The following TRPM3 variants were observed in gnomAD, a reference collection of about 807,000 sequenced individuals.
TRPM3 encodes transient receptor potential cation channel subfamily M member 3.
Under a neutral mutation model 181.2 loss-of-function variants are expected in TRPM3, and 77 were observed. That is an observed-to-expected ratio of 0.42 (90% CI 0.35 to 0.51). The LOEUF is 0.51. Among genes scored for constraint, TRPM3 ranks in the 20% least tolerant of loss-of-function variants. TRPM3 has a pLI of 0.01. For synonymous variants in TRPM3, 745 were observed against 796.4 expected, an observed-to-expected ratio of 0.94 and a Z score of 1.09; for missense variants, 1,759 against 2,196.7, an observed-to-expected ratio of 0.80 and a Z score of 3.98.
chr9:70,809,246 A>T (rs2091371410), intron 6 of TRPM3, among the ~76,000 whole-genome samples: 1 of 152,266 alleles, frequency 6.6e-6, no homozygotes, highest in African/African-American at 2.4e-5. Flanking sequence ...AAAGTAAAAA[A>T]GTTACAGTCA....
chr9:70,690,533 AC>A (rs1438655840), intron 8 of TRPM3, among the ~76,000 whole-genome samples: 1 of 146,584 alleles, frequency 6.8e-6, no homozygotes, highest in African/African-American at 2.5e-5. Flanking sequence ...CAATGAAATA[AC>A]TTTTTATTTA....
At chr9:70,618,122 TC>T (rs2063070610) in intron 17 of TRPM3, among the ~76,000 whole-genome samples, 1 of 152,210 alleles carries the variant, frequency 6.6e-6, no homozygotes, top group Admixed American at 6.5e-5. Context: ...TTTCACATTT[TC>T]CTTGAAAAAC....
intron 1 of TRPM3, among the ~76,000 whole-genome samples, chr9:71,425,699 C>T (rs2093850964): frequency 6.6e-6 from 1 of 152,108 alleles, no homozygotes; most frequent in Admixed American, 6.6e-5. Context: ...TATTCATCAG[C>T]TCACATCATT....
chr9:71,222,800 C>T (rs970603828), intron 1 of TRPM3, among the ~76,000 whole-genome samples: 3 of 152,118 alleles, frequency 2.0e-5, no homozygotes, highest in African/African-American at 7.2e-5. Context: ...GAACTCGGTG[C>T]TACCAACACC....
At position 71,282,396 on chromosome 9, in the gene TRPM3, GAAAGGAAAAGAAAGAA is replaced by G. The variant is rs1253837404; in HGVS notation, c.183+164241_183+164256del. On this transcript the variant is annotated intron_variant, in intron 1 of 24. Coordinates refer to the TRPM3 transcript ENST00000357533. Reference sequence around the variant, plus strand: ...GAAAGAAAGAAAGAAAGGAAAGAAAGAAAGGAAAAGAAAGAAAAAGAAAAAGAAAGAAAAAAAGAAA... The same window carrying G: ...GAAAGAAAGAAAGAAAGGAAAGAAAGAAAGAAAAAGAAAGAAAAAAAGAAA... Among the ~76,000 whole-genome samples, 4 of 120,702 alleles carry G rather than the reference GAAAGGAAAAGAAAGAA, an allele frequency of 3.3e-5. No individual in the cohort carries two copies. The South Asian group carries it at 7.0e-4, about 21-fold the overall frequency. The allele number at this position is 120,702 out of a possible 152,430, so 79.2% of individuals were successfully genotyped here. A position where few individuals can be genotyped will look rare whatever the true frequency, so the allele number is the denominator to read the frequency against.
In TRPM3 at chr9:70,536,371, G is replaced by T. The variant is rs751549801; in HGVS notation, c.4742C>A (p.Pro1581His). The T allele has an allele frequency of 6.2e-7, 1 of 1,614,094 alleles. No homozygotes were observed. Among genetic ancestry groups the T allele is most frequent in the East Asian group, 2.2e-5 (1 of 44,856 alleles). The stretch of plus-strand genomic sequence containing the variant: ...CTCCACTTTGTCTCCAAGACCTCCA[G>T]GGAAGGCAGCTCTGTCCGCAATTGC... Reference protein sequence around the residue: ...PQAIADRAAFPGGLGDKVEDL... With the variant: ...PQAIADRAAFHGGLGDKVEDL... The change falls in exon 26 of 26, where the codon CCT becomes CAT. Residue 1581 changes from proline to histidine, a missense_variant. By Grantham distance (77) the Pro-to-His change is moderately conservative. Coordinates refer to ENST00000677713, the MANE Select transcript of TRPM3 (RefSeq NM_001366145.2).
chr9:71,331,126 A>C (rs2090077546), intron 1 of TRPM3, among the ~76,000 whole-genome samples: 1 of 151,930 alleles, frequency 6.6e-6, no homozygotes, highest in Non-Finnish European at 1.5e-5. Context: ...TAAATTATTG[A>C]TTACTTAGAA....
chr9:71,169,725 T>C lies in TRPM3; in HGVS notation c.183+276928A>G, dbSNP rs576891144. Among the ~76,000 whole-genome samples, 7 of 152,042 alleles carry C rather than the reference T, an allele frequency of 4.6e-5. No individual in the cohort carries two copies. The South Asian group carries it at 8.3e-4, about 18-fold the overall frequency. On this transcript the variant is annotated intron_variant, in intron 1 of 24. Transcript: ENST00000357533. ...ATCCCAGCACTTTGGGAGGCTGAGG[T>C]GGGCGGATCACCTGAGGTAAGGAGT...
chr9:70,804,703 CCCTT>C (rs763871065), intron 6 of TRPM3, among the ~76,000 whole-genome samples: 7,133 of 117,286 alleles, frequency 0.061, 578 homozygotes, highest in African/African-American at 0.26. Context: ...CCCTCCCCTT[CCCTT>C]CCCTTCTCTT....
At chr9:70,989,894 T>C (rs989305317) in intron 1 of TRPM3, among the ~76,000 whole-genome samples, 2 of 152,178 alleles carry the variant, frequency 1.3e-5, no homozygotes, top group African/African-American at 4.8e-5. Flanking sequence ...TTCTCCCATG[T>C]AAACAGTGAG....
intron 6 of TRPM3, chr9:70,826,169 A>T (rs754387059): frequency 1.3e-5 from 2 of 152,252 alleles, no homozygotes; most frequent in Non-Finnish European, 2.9e-5. Context: ...TGGTGTACAG[A>T]AAGTCATGCT....
At chr9:70,685,323 G>T (rs1854272) in intron 8 of TRPM3, among the ~76,000 whole-genome samples, 99,672 of 151,896 alleles carry the variant, frequency 0.66, 33,114 homozygotes, top group African/African-American at 0.76. Context: ...ATATGGCAAT[G>T]TTTTCATTCC....
chr9:70,842,861 A>G (rs2094769321), intron 5 of TRPM3, 142 bp downstream of exon 5: 2 of 742,058 alleles, frequency 2.7e-6, no homozygotes, highest in Non-Finnish European at 4.1e-6. Context: ...TTCCCAAGAT[A>G]CCATTCCTTA....
intron 1 of TRPM3, among the ~76,000 whole-genome samples, chr9:70,991,727 C>T (rs1295813842): frequency 2.0e-5 from 3 of 152,130 alleles, no homozygotes; most frequent in Non-Finnish European, 1.5e-5. Flanking sequence ...CAAGTCCACA[C>T]CAATTAGCAT....
intron 1 of TRPM3, among the ~76,000 whole-genome samples, chr9:70,962,233 T>C (rs752962186): frequency 6.6e-6 from 1 of 152,134 alleles, no homozygotes; most frequent in Admixed American, 6.6e-5. Context: ...AGTAAGGTTA[T>C]AGGGGAGAGT....
intron 1 of TRPM3, among the ~76,000 whole-genome samples, chr9:70,883,459 A>G (rs1174087148): frequency 2.0e-5 from 3 of 152,218 alleles, no homozygotes; most frequent in Admixed American, 2.0e-4. Context: ...TGAGTACTCT[A>G]TAGTGCTTGT....
intron 8 of TRPM3, among the ~76,000 whole-genome samples, chr9:70,701,098 A>C (rs2072392348): frequency 6.6e-6 from 1 of 152,238 alleles, no homozygotes; most frequent in Non-Finnish European, 1.5e-5. Context: ...GTGCTCTATA[A>C]ATTTTCTAGT....
chr9:71,200,954 G>C (rs2078746906), intron 1 of TRPM3, among the ~76,000 whole-genome samples: 3 of 151,562 alleles, frequency 2.0e-5, no homozygotes, highest in Admixed American at 2.0e-4. Context: ...AGTTGATGCA[G>C]TTTCTTCCTA....
chr9:71,070,920 G>T (rs776075336), intron 1 of TRPM3, among the ~76,000 whole-genome samples: 3 of 152,132 alleles, frequency 2.0e-5, no homozygotes, highest in Non-Finnish European at 2.9e-5. Context: ...TGCTTTAAAA[G>T]ATTTCTTATC....
Sources: gnomAD v4.1 joint callset for allele counts (sites outside exome capture counted in the v4.1 genomes callset) on GRCh38, gnomAD v4.1.1 for gene constraint, MANE v1.5 for transcripts, NCBI Gene and HGNC (gene_info 2026-07-23, HGNC 2026-07-21) for gene names.